The following MACROD2 variants were observed in gnomAD, a reference collection of about 807,000 sequenced individuals.
MACROD2 encodes the protein mono-ADP ribosylhydrolase 2.
In MACROD2, 36 loss-of-function variants were observed where a neutral mutation model predicts 70.4. That is an observed-to-expected ratio of 0.51 (90% CI 0.39 to 0.68). The LOEUF (loss-of-function observed/expected upper bound fraction) is 0.68. Among genes scored for constraint, MACROD2 ranks in the 30% least tolerant of loss-of-function variants. The pLI is 0.00. For missense variants in MACROD2, 496 were observed against 538.4 expected, an observed-to-expected ratio of 0.92 and a Z score of 0.78; for synonymous variants, 172 against 178.8, an observed-to-expected ratio of 0.96 and a Z score of 0.30.
intron 8 of MACROD2, among the ~76,000 whole-genome samples, chr20:15,740,772 T>C (rs1025302657): frequency 3.9e-5 from 6 of 151,964 alleles, no homozygotes; most frequent in African/African-American, 1.5e-4. Context: ...ATCACAACTC[T>C]TACTGTCACT....
chr20:15,722,786 T>C (rs2050805140), intron 8 of MACROD2, among the ~76,000 whole-genome samples: 1 of 152,182 alleles, frequency 6.6e-6, no homozygotes, highest in African/African-American at 2.4e-5. Context: ...ATATTCTATT[T>C]CAAGAGAATT....
intron 3 of MACROD2, among the ~76,000 whole-genome samples, chr20:14,461,159 T>C (rs1568622333): frequency 6.6e-6 from 1 of 151,994 alleles, no homozygotes; most frequent in Non-Finnish European, 1.5e-5. Context: ...CTTGGGAGGG[T>C]GTATGTGTCC....
chr20:15,225,589 G>T (rs916425111), intron 5 of MACROD2, among the ~76,000 whole-genome samples: 1 of 152,058 alleles, frequency 6.6e-6, no homozygotes. Flanking sequence ...CCCTACATCG[G>T]TAGAGGAATT....
chr20:15,716,364 T>G (rs1249800471), intron 8 of MACROD2, among the ~76,000 whole-genome samples: 3 of 152,224 alleles, frequency 2.0e-5, no homozygotes, highest in African/African-American at 7.2e-5. Context: ...GTTTAAGACA[T>G]GGTCGATTCT....
At chr20:14,806,970 C>T (rs1435574095) in intron 5 of MACROD2, among the ~76,000 whole-genome samples, 1 of 152,140 alleles carries the variant, frequency 6.6e-6, no homozygotes, top group African/African-American at 2.4e-5. Context: ...ACTCTCATCT[C>T]CCTGGGACAG....
intron 8 of MACROD2, among the ~76,000 whole-genome samples, chr20:15,701,276 A>C (rs1460545139): frequency 6.6e-6 from 1 of 152,230 alleles, no homozygotes; most frequent in Non-Finnish European, 1.5e-5. Flanking sequence ...AAAAATCTGC[A>C]TTCTGGGTTT....
At chr20:14,255,363 G>A (rs35522933) in intron 3 of MACROD2, among the ~76,000 whole-genome samples, 50,302 of 151,834 alleles carry the variant, frequency 0.33, 9,329 homozygotes, top group East Asian at 0.53. Context: ...CATAAAAAAG[G>A]ATGAGTTCAT....
intron 5 of MACROD2, among the ~76,000 whole-genome samples, chr20:14,714,354 G>A (rs1330910955): frequency 6.6e-6 from 1 of 151,922 alleles, no homozygotes; most frequent in Non-Finnish European, 1.5e-5. Context: ...GCACACAGTA[G>A]CCCCCAACTC....
At chr20:15,571,080 A>G (rs2048370853) in intron 8 of MACROD2, among the ~76,000 whole-genome samples, 2 of 152,040 alleles carry the variant, frequency 1.3e-5, no homozygotes, top group South Asian at 4.2e-4. Flanking sequence ...AGTAGTTAAA[A>G]CTCTGCTAAA....
At chr20:15,920,395 CAG>C (rs778666016) in intron 10 of MACROD2, among the ~76,000 whole-genome samples, 21 of 152,244 alleles carry the variant, frequency 1.4e-4, no homozygotes, top group South Asian at 4.2e-4. Context: ...AATAAGCTAA[CAG>C]GGGGTATCAG....
intron 4 of MACROD2, among the ~76,000 whole-genome samples, chr20:14,561,108 G>C (rs1328124205): frequency 1.3e-5 from 2 of 151,722 alleles, no homozygotes; most frequent in Admixed American, 6.6e-5. Context: ...CTTATGGTGT[G>C]GTGGTGTCTA....
Position 15,779,231 on chromosome 20 carries a change from G to C in MACROD2, c.646-83514G>C, listed in dbSNP as rs191335518. Among the ~76,000 whole-genome samples the C allele has an allele frequency of 1.9e-4, 29 of 152,140 alleles. No individual in the cohort carries two copies. In the East Asian group the frequency reaches 5.2e-3, roughly 27 times the overall value. On this transcript the variant is annotated intron_variant, in intron 8 of 17. Transcript: ENST00000684519. ...AGTTGTTTGCATACACCTTGATATC[G>C]ATGTTCTAAGAAGCTATTATCCCTT...
chr20:14,007,918 T>G (rs1425578554), intron 2 of MACROD2, among the ~76,000 whole-genome samples: 2 of 152,158 alleles, frequency 1.3e-5, no homozygotes, highest in East Asian at 3.9e-4. Flanking sequence ...AAAATAATAA[T>G]GAGGATGAGT....
intron 3 of MACROD2, among the ~76,000 whole-genome samples, chr20:14,395,253 G>T (rs2083569111): frequency 6.6e-6 from 1 of 151,736 alleles, no homozygotes; most frequent in Non-Finnish European, 1.5e-5. Context: ...TGTGGGGGAA[G>T]GTTTTTAATT....
At chr20:15,697,963 G>A (rs994570974) in intron 8 of MACROD2, among the ~76,000 whole-genome samples, 1 of 152,132 alleles carries the variant, frequency 6.6e-6, no homozygotes, top group African/African-American at 2.4e-5. Context: ...TGTTAGGTGA[G>A]TCTCCTAAAG....
At chr20:14,550,146 C>T (rs1010841860) in intron 4 of MACROD2, among the ~76,000 whole-genome samples, 1 of 152,092 alleles carries the variant, frequency 6.6e-6, no homozygotes, top group African/African-American at 2.4e-5. Flanking sequence ...TGGTCTGGAA[C>T]TCCTGACCTC....
At chr20:14,193,077 ATATCT>A (rs982132267) in intron 3 of MACROD2, among the ~76,000 whole-genome samples, 5 of 152,198 alleles carry the variant, frequency 3.3e-5, no homozygotes, top group African/African-American at 1.2e-4. Context: ...CATGTTACAA[ATATCT>A]TATCTTCAAT....
At chr20:14,263,477 C>G (rs1044590354) in intron 3 of MACROD2, among the ~76,000 whole-genome samples, 16 of 152,048 alleles carry the variant, frequency 1.1e-4, no homozygotes, top group African/African-American at 3.9e-4. Flanking sequence ...GAGGAATGTC[C>G]TAGCTTCTCT....
At chr20:15,613,563 C>T (rs774141824) in intron 8 of MACROD2, among the ~76,000 whole-genome samples, 4 of 152,166 alleles carry the variant, frequency 2.6e-5, no homozygotes, top group Non-Finnish European at 5.9e-5. Flanking sequence ...TATCAATCAC[C>T]ACATTAAGAA....
Sources: gnomAD v4.1 joint callset for allele counts (sites outside exome capture counted in the v4.1 genomes callset) on GRCh38, gnomAD v4.1.1 for gene constraint, MANE v1.5 for transcripts, NCBI Gene and HGNC (gene_info 2026-07-23, HGNC 2026-07-21) for gene names.